HCN3: variants seen among roughly 807,000 people sequenced by gnomAD.
The protein encoded by HCN3 is potassium/sodium hyperpolarization-activated cyclic nucleotide-gated channel 3.
In HCN3, 36 loss-of-function variants were observed where a neutral mutation model predicts 56.8. That is an observed-to-expected ratio of 0.63 (90% CI 0.49 to 0.84). The LOEUF (loss-of-function observed/expected upper bound fraction) is 0.84. Ranked by LOEUF, HCN3 falls within the 40% of genes least tolerant of loss-of-function variation. HCN3 has a pLI of 0.00. For missense variants in HCN3, 930 were observed against 1,079.3 expected, an observed-to-expected ratio of 0.86 and a Z score of 1.94; for synonymous variants, 425 against 439.7, an observed-to-expected ratio of 0.97 and a Z score of 0.42.
chr1:155,285,677 C>T lies in HCN3; in HGVS notation c.1237-47C>T, dbSNP rs1358082354. The T allele has an allele frequency of 6.2e-7, 1 of 1,608,350 alleles. No individual in the cohort carries two copies. The highest frequency in any genetic ancestry group is 1.7e-5 in the Admixed American group (1 of 59,740). On this transcript the variant is annotated intron_variant, in intron 5 of 7. Coordinates refer to ENST00000368358, the MANE Select transcript of HCN3 (RefSeq NM_020897.3). This position sits in a 1 kb window ranked among gnomAD's most constrained non-coding sequence, Gnocchi z 4.5. Reference sequence around the variant, plus strand: ...AAGCGGATGAGCTCGGTGGGATCATCTCAGGTCAGGGGCACAGCCTGCCTG... The same window carrying T: ...AAGCGGATGAGCTCGGTGGGATCATTTCAGGTCAGGGGCACAGCCTGCCTG...
intron 1 of HCN3, among the ~76,000 whole-genome samples, chr1:155,280,605 T>G (rs1312789555): frequency 6.6e-6 from 1 of 150,380 alleles, no homozygotes; most frequent in Admixed American, 6.6e-5. Context: ...CCCAGCTAAT[T>G]TTTTGTATTT....
Position 155,282,868 on chromosome 1 carries a change from A to C in HCN3, c.708+28A>C. The C allele has an allele frequency of 2.6e-6, 1 of 384,540 alleles. No individual in the cohort carries two copies. The highest frequency in any genetic ancestry group is 3.9e-6 in the Non-Finnish European group (1 of 257,302). 23.8% of individuals were successfully genotyped at this position (384,540 alleles called of 1,614,324 possible). ...GGGGTGGGGAGATGGCGGGCGGGGC[A>C]GTGGGTGGGGGATGTTGGGGGAGAA... On this transcript the variant is annotated intron_variant, in intron 2 of 7. Transcript: ENST00000368358. This position sits in a 1 kb window ranked among gnomAD's most constrained non-coding sequence, Gnocchi z 4.7.
In HCN3 at chr1:155,287,166, T is replaced by A. The variant is rs1262004327; in HGVS notation, c.1478-7T>A. The A allele has an allele frequency of 9.3e-6, 15 of 1,611,624 alleles. No individual in the cohort carries two copies. The highest frequency in any genetic ancestry group is 1.2e-5 in the Non-Finnish European group (14 of 1,179,894). ...GGGGTTCTGAAGCTTCCTCCCAATT[T>A]CTGCAGAGATCTGCCTGCTAACTAG... On this transcript the variant is annotated splice_region_variant and splice_polypyrimidine_tract_variant and intron_variant, in intron 6 of 7. Transcript: ENST00000368358.
rs1353260705 is a variant in HCN3, at chr1:155,288,513, C to T, written c.*50C>T. On this transcript the variant is annotated 3_prime_UTR_variant, in exon 8 of 8. Coordinates refer to ENST00000368358, the MANE Select transcript of HCN3 (RefSeq NM_020897.3). This position sits in a 1 kb window ranked among gnomAD's most constrained non-coding sequence, Gnocchi z 6.5. ...GTTCTTGGGGTGCAGTAGTATGTAC[C>T]CAAGGGCAGATGCCTCTTGGGGAAG... 2.0e-6 allele frequency: 3 copies of T among 1,520,668 alleles called. No individual in the cohort carries two copies. The African/African-American group carries it at 4.2e-5, about 21-fold the overall frequency. The allele number at this position is 1,520,668 out of a possible 1,614,324, so 94.2% of individuals were successfully genotyped here.
At position 155,277,640 on chromosome 1, in the gene HCN3, C is replaced by A; in HGVS notation, c.50C>A (p.Pro17His). 1 of 1,555,046 alleles carries A rather than the reference C, an allele frequency of 6.4e-7. No homozygotes were observed. Among genetic ancestry groups the A allele is most frequent in the East Asian group, 2.4e-5 (1 of 41,612 alleles). The change falls in exon 1 of 8, where the codon CCT becomes CAT. Residue 17 changes from proline (P) to histidine (H), a missense_variant. Transcript: ENST00000368358. ...PAAGASEGAT[P>H]GLEAVPPVAP... ...GCGGGGGCCAGCGAAGGGGCGACCC[C>A]TGGACTGGAGGCGGTGCCTCCCGTT...
intron 1 of HCN3, among the ~76,000 whole-genome samples, chr1:155,280,346 C>A (rs1415402247): frequency 6.6e-6 from 1 of 151,830 alleles, no homozygotes; most frequent in Non-Finnish European, 1.5e-5. Flanking sequence ...CTCACGGCAA[C>A]CTTCACTCCC....
At position 155,277,669 on chromosome 1, in the gene HCN3, C is replaced by T; in HGVS notation, c.79C>T (p.Pro27Ser). The change falls in exon 1 of 8, where the codon CCC becomes TCC. Residue 27 changes from proline (P) to serine (S), a missense_variant. Coordinates refer to ENST00000368358, the MANE Select transcript of HCN3 (RefSeq NM_020897.3). ...ACTGGAGGCGGTGCCTCCCGTTGCTCCCCCGCCTGCGACCGCGGCCTCAGG... is the reference window on the plus strand; with the variant it reads ...ACTGGAGGCGGTGCCTCCCGTTGCTTCCCCGCCTGCGACCGCGGCCTCAGG... ...PGLEAVPPVA[P>S]PPATAASGPI... 3 of 1,556,548 alleles carry T rather than the reference C, an allele frequency of 1.9e-6. No homozygotes were observed. Among genetic ancestry groups the T allele is most frequent in the Non-Finnish European group, 2.6e-6 (3 of 1,151,170 alleles).
chr1:155,282,971 A>T lies in HCN3; in HGVS notation c.708+131A>T. 3 of 915,490 alleles carry T rather than the reference A, an allele frequency of 3.3e-6. No individual in the cohort carries two copies. The highest frequency in any genetic ancestry group is 3.2e-6 in the Non-Finnish European group (2 of 618,768). 56.7% of individuals were successfully genotyped at this position (915,490 alleles called of 1,614,324 possible). A position where few individuals can be genotyped will look rare whatever the true frequency, so the allele number is the denominator to read the frequency against. Reference sequence around the variant, plus strand: ...CTGGTGACCTTATAGTGTGGGGAAGATGGGTGGGGCTTCCGTGCGTGAGCT... The same window carrying T: ...CTGGTGACCTTATAGTGTGGGGAAGTTGGGTGGGGCTTCCGTGCGTGAGCT... On this transcript the variant is annotated intron_variant, in intron 2 of 7. Coordinates refer to ENST00000368358, the MANE Select transcript of HCN3 (RefSeq NM_020897.3). This position sits in a 1 kb window ranked among gnomAD's most constrained non-coding sequence, Gnocchi z 4.7.
In HCN3 at chr1:155,277,596, G is replaced by A. The variant is rs1488494996; in HGVS notation, c.6G>A (p.Glu2=). 1.3e-6 allele frequency: 2 copies of A among 1,561,484 alleles called. No individual in the cohort carries two copies. The highest frequency in any genetic ancestry group is 2.3e-5 in the East Asian group (1 of 42,836). The stretch of plus-strand genomic sequence containing the variant: ...GTGTAAGCGGGGTGGGCGCCATGGA[G>A]GCAGAGCAGCGGCCGGCGGCGGGGG... The part of the protein sequence containing the change: M[E]AEQRPAAGAS... The change falls in exon 1 of 8, where the codon GAG becomes GAA. Residue 2 remains glutamate, a synonymous_variant. Coordinates refer to ENST00000368358, the MANE Select transcript of HCN3 (RefSeq NM_020897.3).
chr1:155,287,394 CAA>C, intron 7 of HCN3, 57 bp downstream of exon 7: 3 of 1,594,346 alleles, frequency 1.9e-6, no homozygotes, highest in Non-Finnish European at 2.6e-6. Flanking sequence ...ACCCCACCTC[CAA>C]AGCAAGGAGC....
chr1:155,282,312 ATCTT>A lies in HCN3; in HGVS notation c.279-97_279-94del, dbSNP rs1557946289. On this transcript the variant is annotated intron_variant, in intron 1 of 7. Transcript: ENST00000368358. This position sits in a 1 kb window ranked among gnomAD's most constrained non-coding sequence, Gnocchi z 4.7. ...GTAAACAGTCATTCTGTTATTGTGT[ATCTT>A]TGCCCATTCTTGGCCATGTCAGCCT... 193 of 1,116,874 alleles carry A rather than the reference ATCTT, an allele frequency of 1.7e-4. No individual in the cohort carries two copies. The highest frequency in any genetic ancestry group is 2.4e-4 in the Non-Finnish European group (180 of 754,484). The allele number at this position is 1,116,874 out of a possible 1,614,324, so 69.2% of individuals were successfully genotyped here. A position where few individuals can be genotyped will look rare whatever the true frequency, so the allele number is the denominator to read the frequency against.
At chr1:155,278,362 G>C (rs1365770406) in intron 1 of HCN3, 1 of 164,164 alleles carries the variant, frequency 6.1e-6, no homozygotes, top group African/African-American at 2.4e-5. Context: ...TGAAGGGGGC[G>C]GGGGGTCCAG....
At chr1:155,286,520 C>T (rs545692081) in intron 6 of HCN3, among the ~76,000 whole-genome samples, 1 of 152,250 alleles carries the variant, frequency 6.6e-6, no homozygotes, top group Admixed American at 6.5e-5. Flanking sequence ...GCCAGAGGGC[C>T]TTTTAGAACC....
chr1:155,279,759 C>A (rs1157333000), intron 1 of HCN3, among the ~76,000 whole-genome samples: 1 of 151,996 alleles, frequency 6.6e-6, no homozygotes, highest in Non-Finnish European at 1.5e-5. Context: ...CAACTAGTGC[C>A]TGTACCACAC....
chr1:155,278,036 C>A (rs1384776185), intron 1 of HCN3, among the ~76,000 whole-genome samples, 168 bp downstream of exon 1: 3 of 152,018 alleles, frequency 2.0e-5, no homozygotes, highest in Non-Finnish European at 4.4e-5. Flanking sequence ...AATTCCTGGG[C>A]GGGTATCCCC....
rs372652695 is a variant in HCN3 at position 155,283,974 on chromosome 1, A to T, written c.709A>T (p.Ile237Phe). The T allele has an allele frequency of 2.1e-5, 34 of 1,612,700 alleles. No homozygotes were observed. Among genetic ancestry groups the T allele is most frequent in the Non-Finnish European group, 2.7e-5 (32 of 1,178,978 alleles). ...LIRYIHQWEE[I>F]FHMTYDLASA... Reference sequence around the variant, plus strand: ...AGCAGCTCCTCCTCGGACTCCTCAGATCTTTCACATGACCTATGACCTGGC... The same window carrying T: ...AGCAGCTCCTCCTCGGACTCCTCAGTTCTTTCACATGACCTATGACCTGGC... The change falls in exon 3 of 8, where the codon ATC becomes TTC. Residue 237 changes from isoleucine (I) to phenylalanine (F), a missense_variant and splice_region_variant. By Grantham distance (21) the Ile-to-Phe change is conservative (BLOSUM62 0). Coordinates refer to ENST00000368358, the MANE Select transcript of HCN3 (RefSeq NM_020897.3).
rs1369150652 is a variant in HCN3 at position 155,288,119 on chromosome 1, C to T, written c.1981C>T (p.Arg661Ter). ...GSPASPLVPV[R>*]AGPWASTSRL... ...TCCAGCTTCCCCGCTGGTGCCCGTCCGAGCTGGCCCATGGGCATCCACCTC... is the reference window on the plus strand; with the variant it reads ...TCCAGCTTCCCCGCTGGTGCCCGTCTGAGCTGGCCCATGGGCATCCACCTC... The change falls in exon 8 of 8, where the codon CGA becomes TGA. Residue 661 changes from arginine (R) to a stop codon, truncating the protein, a stop_gained. Transcript: ENST00000368358. LOFTEE classifies it high-confidence loss of function. The surrounding 1 kb of genome is among the most constrained non-coding windows in gnomAD (Gnocchi z 6.5). 1.2e-5 allele frequency: 19 copies of T among 1,601,694 alleles called. No homozygotes were observed. The highest frequency in any genetic ancestry group is 2.3e-5 in the East Asian group (1 of 44,090).
chr1:155,281,805 C>T (rs1480844882), intron 1 of HCN3, among the ~76,000 whole-genome samples: 1 of 151,916 alleles, frequency 6.6e-6, no homozygotes, highest in Non-Finnish European at 1.5e-5. Context: ...TCTTTTGAGA[C>T]AGGGTCTCGC....
rs1051497511 is a variant in HCN3, at chr1:155,282,272, A to G, written c.279-139A>G. On this transcript the variant is annotated intron_variant, in intron 1 of 7. Coordinates refer to ENST00000368358, the MANE Select transcript of HCN3 (RefSeq NM_020897.3). This position sits in a 1 kb window ranked among gnomAD's most constrained non-coding sequence, Gnocchi z 4.7. Reference sequence around the variant, plus strand: ...TTTTCCCAAATGGTGGTCCCAACTTATACTCCCAACAGCTGTAAACAGTCA... The same window carrying G: ...TTTTCCCAAATGGTGGTCCCAACTTGTACTCCCAACAGCTGTAAACAGTCA... The G allele has an allele frequency of 2.5e-6, 2 of 797,498 alleles. No homozygotes were observed. Among genetic ancestry groups the G allele is most frequent in the Non-Finnish European group, 4.0e-6 (2 of 501,766 alleles). 49.4% of individuals were successfully genotyped at this position (797,498 alleles called of 1,614,324 possible). A position where few individuals can be genotyped will look rare whatever the true frequency, so the allele number is the denominator to read the frequency against.
Sources: allele counts gnomAD v4.1 joint callset (sites outside exome capture counted in the v4.1 genomes callset), GRCh38; gene constraint gnomAD v4.1.1; non-coding constraint Gnocchi (gnomAD v3.1); transcripts MANE v1.5; gene names NCBI Gene and HGNC (gene_info 2026-07-23, HGNC 2026-07-21).